Variants in CFTR observed in about 807,000 individuals in gnomAD.
CFTR encodes the protein CF transmembrane conductance regulator.
A neutral mutation model predicts 171.6 loss-of-function variants in CFTR; 181 were observed. That is an observed-to-expected ratio of 1.05 (90% confidence interval 0.93 to 1.19). CFTR has a LOEUF of 1.19. CFTR is among the 50% of genes most tolerant of loss of function. The pLI is 0.00. For missense variants in CFTR, 1,968 were observed against 1,734.7 expected, an observed-to-expected ratio of 1.13 and a Z score of -2.39; for synonymous variants, 583 against 608.0, an observed-to-expected ratio of 0.96 and a Z score of 0.60.
At chr7:117,622,419 T>C (rs1792598043) in intron 21 of CFTR, among the ~76,000 whole-genome samples, 1 of 152,308 alleles carries the variant, frequency 6.6e-6, no homozygotes, top group East Asian at 1.9e-4. Flanking sequence ...TTTTGCCTAC[T>C]GGGAAGGATT....
chr7:117,544,432 C>T (rs566621993), intron 9 of CFTR, among the ~76,000 whole-genome samples: 50 of 152,302 alleles, frequency 3.3e-4, no homozygotes, highest in African/African-American at 1.1e-3. Context: ...TGTTCACCCC[C>T]AGTAGATAGC....
In CFTR at chr7:117,499,429, CTGTG is replaced by C. The variant is rs56985019; in HGVS notation, c.54-4794_54-4791del. On this transcript the variant is annotated intron_variant, in intron 1 of 26. Coordinates refer to ENST00000003084, the MANE Select transcript of CFTR (RefSeq NM_000492.4). ...GAAATGAAATTTACTATAGTTTCAT[CTGTG>C]TGTGTGTGTGTGTGTGTGTGTGTGT... Among the ~76,000 whole-genome samples the C allele has an allele frequency of 1.8e-3, 251 of 135,914 alleles. 1 individual carries two copies. Among genetic ancestry groups the C allele is most frequent in the Non-Finnish European group, 2.8e-3 (177 of 64,156 alleles). The allele number at this position is 135,914 out of a possible 152,430, so 89.2% of individuals were successfully genotyped here. A position where few individuals can be genotyped will look rare whatever the true frequency, so the allele number is the denominator to read the frequency against.
In CFTR at chr7:117,606,665, A is replaced by G. The variant is rs778526355; in HGVS notation, c.2909-9A>G. ...TTTTTTGAGGAATTTGTCATCTTGTATATTATAGGTGGGATTCTTAATAGA... is the reference window on the plus strand; with the variant it reads ...TTTTTTGAGGAATTTGTCATCTTGTGTATTATAGGTGGGATTCTTAATAGA... On this transcript the variant is annotated splice_polypyrimidine_tract_variant and intron_variant, in intron 17 of 26. Coordinates refer to ENST00000003084, the MANE Select transcript of CFTR (RefSeq NM_000492.4). 3 of 1,430,854 alleles carry G rather than the reference A, an allele frequency of 2.1e-6. No individual in the cohort carries two copies. Among genetic ancestry groups the G allele is most frequent in the South Asian group, 1.1e-5 (1 of 87,276 alleles). 88.6% of individuals were successfully genotyped at this position (1,430,854 alleles called of 1,614,324 possible).
chr7:117,654,508 G>C (rs1266482441), intron 24 of CFTR, among the ~76,000 whole-genome samples: 1 of 152,088 alleles, frequency 6.6e-6, no homozygotes, highest in African/African-American at 2.4e-5. Context: ...CATGTGTTGA[G>C]GGAGGGACCT....
At chr7:117,494,517 A>C (rs929274276) in intron 1 of CFTR, among the ~76,000 whole-genome samples, 1 of 152,158 alleles carries the variant, frequency 6.6e-6, no homozygotes, top group African/African-American at 2.4e-5. Flanking sequence ...ACACTTTAGC[A>C]AAGAAAAATC....
intron 10 of CFTR, among the ~76,000 whole-genome samples, chr7:117,556,582 G>T (rs1333642620): frequency 7.4e-6 from 1 of 134,776 alleles, no homozygotes; most frequent in Non-Finnish European, 1.6e-5. Context: ...TGCAGTGGCG[G>T]GATCTCGGCT....
chr7:117,553,703 T>C (rs535132339), intron 10 of CFTR, among the ~76,000 whole-genome samples: 1 of 152,334 alleles, frequency 6.6e-6, no homozygotes, highest in African/African-American at 2.4e-5. Context: ...TTTCTCTCTA[T>C]ATAAAGTGAT....
intron 24 of CFTR, among the ~76,000 whole-genome samples, chr7:117,659,170 T>G (rs1793225977): frequency 6.6e-6 from 1 of 152,180 alleles, no homozygotes; most frequent in Admixed American, 6.5e-5. Context: ...CTTCACTGCC[T>G]CCTTCTACCA....
chr7:117,568,168 G>T (rs143450496), intron 11 of CFTR, among the ~76,000 whole-genome samples: 1 of 152,294 alleles, frequency 6.6e-6, no homozygotes, highest in African/African-American at 2.4e-5. Context: ...ATTACAGTAA[G>T]GTTGGAGTCT....
chr7:117,603,829 A>G (rs1046442994), intron 17 of CFTR, 47 bp downstream of exon 17: 1 of 1,606,148 alleles, frequency 6.2e-7, no homozygotes, highest in African/African-American at 1.3e-5. Context: ...CACCATCAAT[A>G]GGGCCTGTGG....
chr7:117,660,182 T>C (rs1190552869), intron 24 of CFTR, among the ~76,000 whole-genome samples: 1 of 152,188 alleles, frequency 6.6e-6, no homozygotes, highest in African/African-American at 2.4e-5. Flanking sequence ...GTTGATGTTT[T>C]CATTTATTTA....
At chr7:117,637,759 C>T (rs1332272032) in intron 22 of CFTR, among the ~76,000 whole-genome samples, 2 of 152,090 alleles carry the variant, frequency 1.3e-5, no homozygotes, top group African/African-American at 4.8e-5. Flanking sequence ...CACCTATAAT[C>T]CCAGCTACTC....
intron 1 of CFTR, among the ~76,000 whole-genome samples, chr7:117,481,675 A>G (rs1798003259): frequency 6.6e-6 from 1 of 152,238 alleles, no homozygotes; most frequent in South Asian, 2.1e-4. Context: ...CTTTAAGAAT[A>G]GGTATGTTTT....
chr7:117,504,313 C>T lies in CFTR; in HGVS notation c.114C>T (p.Tyr38=). The part of the protein sequence containing the change: ...YRQRLELSDI[Y]QIPSVDSADN... ...AGCGCCTGGAATTGTCAGACATATA[C>T]CAAATCCCTTCTGTTGATTCTGCTG... The change falls in exon 2 of 27, where the codon TAC becomes TAT. Residue 38 remains tyrosine, a synonymous_variant. Transcript: ENST00000003084. 3 of 1,612,382 alleles carry T rather than the reference C, an allele frequency of 1.9e-6. No individual in the cohort carries two copies. In the South Asian group the frequency reaches 3.3e-5, roughly 18 times the overall value.
chr7:117,570,236 C>T lies in CFTR; in HGVS notation c.1584+10581C>T, dbSNP rs1032002724. 5.4e-5 allele frequency among the ~76,000 whole-genome samples: 8 copies of T among 148,164 alleles called. No individual in the cohort carries two copies. In the East Asian group the frequency reaches 7.9e-4, roughly 15 times the overall value. On this transcript the variant is annotated intron_variant, in intron 11 of 26. Coordinates refer to ENST00000003084, the MANE Select transcript of CFTR (RefSeq NM_000492.4). ...ACAAAAAAACAAAAAACCCGAAAAA[C>T]AAAAAAAGAGGCAGAAAGACAGAAG...
rs534485010 is a variant in CFTR, at chr7:117,501,006, G to T, written c.54-3247G>T. 1.1e-3 allele frequency among the ~76,000 whole-genome samples: 167 copies of T among 152,256 alleles called. 1 individual carries two copies. The highest frequency in any genetic ancestry group is 4.0e-3 in the African/African-American group (166 of 41,548). ...CTGGCCATTTATGGGAAAGGTCACT[G>T]GGTTGTAAATAAGGACCAAAAGAGT... On this transcript the variant is annotated intron_variant, in intron 1 of 26. Coordinates refer to ENST00000003084, the MANE Select transcript of CFTR (RefSeq NM_000492.4).
chr7:117,633,441 T>C (rs1232026210), intron 22 of CFTR, among the ~76,000 whole-genome samples: 1 of 152,144 alleles, frequency 6.6e-6, no homozygotes, highest in Admixed American at 6.5e-5. Flanking sequence ...ACATAGATTA[T>C]CATCATCTGA....
chr7:117,501,080 C>A (rs1462450722), intron 1 of CFTR, among the ~76,000 whole-genome samples: 1 of 152,098 alleles, frequency 6.6e-6, no homozygotes, highest in East Asian at 1.9e-4. Flanking sequence ...TTTTACATTT[C>A]TTGAAAATGC....
At chr7:117,539,142 G>A (rs1292314365) in intron 7 of CFTR, among the ~76,000 whole-genome samples, 4 of 152,114 alleles carry the variant, frequency 2.6e-5, no homozygotes, top group African/African-American at 9.7e-5. Context: ...TGGGTGGGGA[G>A]GATCACAAGT....
Sources: allele counts gnomAD v4.1 joint callset (sites outside exome capture counted in the v4.1 genomes callset), GRCh38; gene constraint gnomAD v4.1.1; transcripts MANE v1.5; gene names NCBI Gene and HGNC (gene_info 2026-07-23, HGNC 2026-07-21).